Variants in TBX15 observed in about 807,000 individuals in gnomAD.
TBX15 encodes the protein T-box transcription factor 15.
Under a neutral mutation model 53.9 loss-of-function variants are expected in TBX15, and 18 were observed. The observed-to-expected ratio is 0.33, with a 90% confidence interval of 0.23 to 0.49. The LOEUF is 0.49. Among genes scored for constraint, TBX15 ranks in the 20% least tolerant of loss-of-function variants. TBX15 has a pLI of 0.98. For synonymous variants in TBX15, 295 were observed against 278.0 expected (o/e 1.06, Z -0.61); for missense variants, 692 against 749.5 (o/e 0.92, Z 0.90).
chr1:118,967,848 T>C (rs1657102761), intron 1 of TBX15, among the ~76,000 whole-genome samples: 2 of 152,238 alleles, frequency 1.3e-5, no homozygotes, highest in South Asian at 4.1e-4. Context: ...TTCCATGACC[T>C]CTATAAAATA....
At chr1:118,933,209 A>G (rs984820004) in intron 1 of TBX15, among the ~76,000 whole-genome samples, 1 of 152,100 alleles carries the variant, frequency 6.6e-6, no homozygotes, top group African/African-American at 2.4e-5. Context: ...CCCAGGCAGC[A>G]TCTCTGGCAA....
At chr1:118,979,662 TG>T (rs1039033990) in intron 1 of TBX15, among the ~76,000 whole-genome samples, 3 of 152,202 alleles carry the variant, frequency 2.0e-5, no homozygotes, top group Non-Finnish European at 4.4e-5. Flanking sequence ...TTCTGTTTTT[TG>T]GGGGGTGTCT....
intron 1 of TBX15, among the ~76,000 whole-genome samples, chr1:118,960,836 G>A (rs540570468): frequency 6.6e-6 from 1 of 152,294 alleles, no homozygotes; most frequent in South Asian, 2.1e-4. Context: ...CAGAGTCGAG[G>A]TCTGGTCAAC....
intron 1 of TBX15, among the ~76,000 whole-genome samples, chr1:118,941,082 T>C (rs1375505115): frequency 6.6e-6 from 1 of 152,148 alleles, no homozygotes; most frequent in Non-Finnish European, 1.5e-5. Flanking sequence ...AGCGATACAT[T>C]ATCTCATCCC....
At chr1:118,912,009 G>A (rs1164365742) in intron 6 of TBX15, among the ~76,000 whole-genome samples, 1 of 152,124 alleles carries the variant, frequency 6.6e-6, no homozygotes, top group Non-Finnish European at 1.5e-5. Flanking sequence ...GACAATAAAT[G>A]GTTAAAGTAT....
At chr1:118,912,848 C>T (rs1364944149) in intron 6 of TBX15, among the ~76,000 whole-genome samples, 2 of 152,208 alleles carry the variant, frequency 1.3e-5, no homozygotes, top group Non-Finnish European at 2.9e-5. Flanking sequence ...TTCTACTACG[C>T]TCTACCACTA....
intron 1 of TBX15, among the ~76,000 whole-genome samples, chr1:118,948,840 A>G (rs986256215): frequency 2.6e-5 from 4 of 152,228 alleles, no homozygotes; most frequent in African/African-American, 9.6e-5. Context: ...CACAAGATAA[A>G]TATTACTAAA....
At chr1:118,986,718 G>A (rs1421999270) in intron 1 of TBX15, among the ~76,000 whole-genome samples, 2 of 152,198 alleles carry the variant, frequency 1.3e-5, no homozygotes, top group Non-Finnish European at 2.9e-5. Flanking sequence ...AGAAGTCCGG[G>A]CTGGAAAGCT....
intron 1 of TBX15, among the ~76,000 whole-genome samples, chr1:118,982,746 T>C (rs562315775): frequency 1.3e-5 from 2 of 152,312 alleles, no homozygotes; most frequent in East Asian, 3.9e-4. Context: ...GTCAGAAAAA[T>C]GGCAGACGAT....
At chr1:118,894,193 G>A (rs1016594664) in intron 7 of TBX15, among the ~76,000 whole-genome samples, 2 of 152,212 alleles carry the variant, frequency 1.3e-5, no homozygotes, top group Admixed American at 6.5e-5. Flanking sequence ...TGAAACAACA[G>A]AGAGAACGAG....
At chr1:118,915,315 T>C (rs1005804100) in intron 5 of TBX15, among the ~76,000 whole-genome samples, 10 of 152,240 alleles carry the variant, frequency 6.6e-5, no homozygotes, top group African/African-American at 2.4e-4. Context: ...AGTTGTTTCC[T>C]ACATTGCAAA....
chr1:118,914,834 G>A (rs1655146467), intron 5 of TBX15, among the ~76,000 whole-genome samples: 1 of 152,188 alleles, frequency 6.6e-6, no homozygotes, highest in Non-Finnish European at 1.5e-5. Flanking sequence ...GCAGGATGCA[G>A]TACATGTTAT....
intron 1 of TBX15, among the ~76,000 whole-genome samples, chr1:118,979,292 G>A (rs993355913): frequency 6.6e-6 from 1 of 151,728 alleles, no homozygotes; most frequent in African/African-American, 2.4e-5. Context: ...TCTTTGTCTC[G>A]GTGGGCAATG....
In TBX15 at chr1:118,896,065, T is replaced by G. The variant is rs899065082; in HGVS notation, c.1024+2963A>C. ...GCTCAACACAAATTTGTAAACTTTC[T>G]TAAAACATTATGAGATTTTTTGTAG... On this transcript the variant is annotated intron_variant, in intron 7 of 7. Transcript: ENST00000369429. Among the ~76,000 whole-genome samples, 3 of 152,224 alleles carry G rather than the reference T, an allele frequency of 2.0e-5. No homozygotes were observed. In the East Asian group the frequency reaches 5.8e-4, roughly 29 times the overall value.
At position 118,885,278 on chromosome 1, in the gene TBX15, G is replaced by A; in HGVS notation, c.1263C>T (p.Tyr421=). 6.2e-7 allele frequency: 1 copy of A among 1,612,556 alleles called. No homozygotes were observed. The highest frequency in any genetic ancestry group is 8.5e-7 in the Non-Finnish European group (1 of 1,179,790). Residue 421 remains tyrosine, a synonymous_variant, in exon 8 of 8, where the codon TAC becomes TAT. Coordinates refer to ENST00000369429, the MANE Select transcript of TBX15 (RefSeq NM_001330677.2). ...QSYPGLSDSG[Y]NRLQSGTTSA... is the part of the protein sequence containing the mutation. ...AAGTGGTGCCACTCTGAAGCCTGTT[G>A]TAGCCACTGTCACTCAGCCCTGGGT...
At chr1:118,974,671 A>G (rs1160516834) in intron 1 of TBX15, among the ~76,000 whole-genome samples, 2 of 152,230 alleles carry the variant, frequency 1.3e-5, no homozygotes, top group African/African-American at 2.4e-5. Flanking sequence ...GTAAGTGTTC[A>G]TTGAGAAGAG....
At chr1:118,896,423 G>A (rs142887037) in intron 7 of TBX15, among the ~76,000 whole-genome samples, 2 of 152,244 alleles carry the variant, frequency 1.3e-5, no homozygotes, top group Non-Finnish European at 1.5e-5. Flanking sequence ...ATAAAAGATG[G>A]CAGCCAAGGC....
intron 6 of TBX15, among the ~76,000 whole-genome samples, chr1:118,906,620 C>T (rs929399655): frequency 2.0e-5 from 3 of 152,138 alleles, no homozygotes; most frequent in Admixed American, 6.5e-5. Context: ...TTCTTTACTC[C>T]CAGATATTTT....
At position 118,890,892 on chromosome 1, in the gene TBX15, C is replaced by G. The variant is rs756914540; in HGVS notation, c.1025-5376G>C. On this transcript the variant is annotated intron_variant, in intron 7 of 7. Coordinates refer to ENST00000369429, the MANE Select transcript of TBX15 (RefSeq NM_001330677.2). ...TTCGTTCCATGAGCCAGACTCTTCTCTCGTATAATTCAATGGCATCTGTCT... is the reference window on the plus strand; with the variant it reads ...TTCGTTCCATGAGCCAGACTCTTCTGTCGTATAATTCAATGGCATCTGTCT... 2.3e-6 allele frequency: 3 copies of G among 1,303,904 alleles called. No homozygotes were observed. The African/African-American group carries it at 4.6e-5, about 20-fold the overall frequency. 80.8% of individuals were successfully genotyped at this position (1,303,904 alleles called of 1,614,324 possible).
Sources: gnomAD v4.1 joint callset for allele counts (sites outside exome capture counted in the v4.1 genomes callset) on GRCh38, gnomAD v4.1.1 for gene constraint, MANE v1.5 for transcripts, NCBI Gene and HGNC (gene_info 2026-07-23, HGNC 2026-07-21) for gene names.